GULP1: variants seen among roughly 807,000 people sequenced by gnomAD.
The protein encoded by GULP1 is GULP PTB domain containing engulfment adaptor 1.
GULP1 carries 19 observed loss-of-function variants against 40.9 expected under a neutral mutation model. The ratio of observed to expected loss-of-function variants is 0.46; its 90% confidence interval spans 0.32 to 0.68. GULP1 has a LOEUF of 0.68. Among genes scored for constraint, GULP1 ranks in the 30% least tolerant of loss-of-function variants. The pLI is 0.03. For synonymous variants in GULP1, 119 were observed against 117.6 expected, an observed-to-expected ratio of 1.01 and a Z score of -0.08; for missense variants, 312 against 362.2, an observed-to-expected ratio of 0.86 and a Z score of 1.12.
At chr2:188,443,022 G>A (rs763101084) in intron 2 of GULP1, among the ~76,000 whole-genome samples, 4 of 151,972 alleles carry the variant, frequency 2.6e-5, no homozygotes, top group African/African-American at 4.8e-5. Context: ...AGAAAACAGC[G>A]GCAACAACAA....
intron 1 of GULP1, among the ~76,000 whole-genome samples, chr2:188,330,615 T>C (rs1018097747): frequency 2.0e-5 from 3 of 152,212 alleles, no homozygotes; most frequent in African/African-American, 7.2e-5. Context: ...ATGTCTAACT[T>C]TTAGTATTTT....
intron 9 of GULP1, among the ~76,000 whole-genome samples, chr2:188,570,862 A>T (rs1042139602): frequency 1.3e-5 from 2 of 152,196 alleles, no homozygotes; most frequent in Non-Finnish European, 2.9e-5. Flanking sequence ...TCATTTAAAA[A>T]TATTTAATAT....
intron 1 of GULP1, among the ~76,000 whole-genome samples, chr2:188,317,044 C>A (rs1284829683): frequency 6.6e-6 from 1 of 152,108 alleles, no homozygotes; most frequent in Non-Finnish European, 1.5e-5. Context: ...CTGCACTTAA[C>A]CCTTCCTCTG....
At chr2:188,446,075 T>A (rs578153208) in intron 2 of GULP1, among the ~76,000 whole-genome samples, 2 of 152,314 alleles carry the variant, frequency 1.3e-5, no homozygotes, top group South Asian at 4.1e-4. Context: ...ATGACCCATA[T>A]TCATTTCCCT....
intron 4 of GULP1, among the ~76,000 whole-genome samples, chr2:188,512,435 T>A (rs540446165): frequency 7.9e-5 from 12 of 152,282 alleles, no homozygotes; most frequent in African/African-American, 2.4e-4. Flanking sequence ...GAATTTACTA[T>A]ACATAAAATG....
At chr2:188,503,267 C>A (rs1238299984) in intron 4 of GULP1, among the ~76,000 whole-genome samples, 1 of 151,754 alleles carries the variant, frequency 6.6e-6, no homozygotes, top group Admixed American at 6.6e-5. Flanking sequence ...CATTTTCACA[C>A]TGCTATAAAG....
intron 7 of GULP1, among the ~76,000 whole-genome samples, chr2:188,555,916 G>C (rs1694621877): frequency 2.6e-5 from 4 of 151,886 alleles, no homozygotes; most frequent in Admixed American, 2.0e-4. Flanking sequence ...AAATTAGCCA[G>C]GCATGGTGGC....
intron 6 of GULP1, among the ~76,000 whole-genome samples, chr2:188,540,059 T>G (rs1690044866): frequency 6.6e-6 from 1 of 152,100 alleles, no homozygotes; most frequent in African/African-American, 2.4e-5. Flanking sequence ...CTTCCTTAGA[T>G]GAAACTGTAG....
intron 2 of GULP1, among the ~76,000 whole-genome samples, chr2:188,384,507 T>C (rs1001142543): frequency 2.0e-5 from 3 of 152,092 alleles, no homozygotes; most frequent in Non-Finnish European, 2.9e-5. Flanking sequence ...CCAAACCTTA[T>C]CATTCCATCC....
intron 11 of GULP1, 52 bp downstream of exon 11, chr2:188,588,001 G>A (rs1202453499): frequency 1.1e-6 from 1 of 923,694 alleles, no homozygotes; most frequent in African/African-American, 1.6e-5. Context: ...TTTTGATATG[G>A]GACAAAGAGA....
intron 1 of GULP1, among the ~76,000 whole-genome samples, chr2:188,368,275 T>C (rs568131075): frequency 6.2e-4 from 95 of 152,236 alleles, no homozygotes; most frequent in South Asian, 3.9e-3. Context: ...ATGGAACCTA[T>C]GAATACATTT....
At position 188,589,491 on chromosome 2, in the gene GULP1, G is replaced by T. The variant is rs866398756; in HGVS notation, c.843+1542G>T. 7.6e-5 allele frequency: 23 copies of T among 300,940 alleles called. No homozygotes were observed. The highest frequency in any genetic ancestry group is 4.5e-4 in the South Asian group (3 of 6,610). 18.6% of individuals were successfully genotyped at this position (300,940 alleles called of 1,614,324 possible). On this transcript the variant is annotated intron_variant, in intron 11 of 11. Transcript: ENST00000409830. ...TATGTGGTAGTATTTATTCTCAAGG[G>T]TTGCACAGGTCATACAGAGTACTTC... is the stretch of plus-strand genomic sequence containing the variant.
At chr2:188,434,893 T>G (rs2057261698) in intron 2 of GULP1, among the ~76,000 whole-genome samples, 1 of 152,054 alleles carries the variant, frequency 6.6e-6, no homozygotes, top group Non-Finnish European at 1.5e-5. Context: ...CCTCCTTTTC[T>G]TTTATAATCT....
intron 2 of GULP1, among the ~76,000 whole-genome samples, chr2:188,429,177 G>A (rs992802922): frequency 6.6e-6 from 1 of 152,040 alleles, no homozygotes; most frequent in Non-Finnish European, 1.5e-5. Context: ...ACTTGAATTT[G>A]GTGTCAGATA....
intron 2 of GULP1, among the ~76,000 whole-genome samples, chr2:188,475,450 AT>A (rs965968284): frequency 2.6e-5 from 4 of 151,488 alleles, no homozygotes; most frequent in African/African-American, 7.3e-5. Context: ...TTTATATTTT[AT>A]TTTTTTAATT....
chr2:188,575,588 G>C (rs946949442), intron 9 of GULP1, among the ~76,000 whole-genome samples: 4 of 152,162 alleles, frequency 2.6e-5, no homozygotes, highest in Non-Finnish European at 5.9e-5. Context: ...CACTTGAATT[G>C]CAATCTGAAT....
At chr2:188,480,105 T>G (rs1381103771) in intron 3 of GULP1, among the ~76,000 whole-genome samples, 1 of 152,108 alleles carries the variant, frequency 6.6e-6, no homozygotes, top group East Asian at 1.9e-4. Context: ...AGAAAAAATT[T>G]TAAGAGCCCC....
At chr2:188,530,171 G>A (rs1301464868) in intron 6 of GULP1, among the ~76,000 whole-genome samples, 1 of 152,140 alleles carries the variant, frequency 6.6e-6, no homozygotes, top group East Asian at 1.9e-4. Flanking sequence ...GTTGCAGTTT[G>A]TTGTATAGGA....
intron 2 of GULP1, among the ~76,000 whole-genome samples, chr2:188,411,925 G>A (rs2053947086): frequency 1.3e-5 from 2 of 152,166 alleles, no homozygotes; most frequent in Admixed American, 6.5e-5. Flanking sequence ...TGTGTATTGT[G>A]CAGAACCATC....
Sources: allele counts gnomAD v4.1 joint callset (sites outside exome capture counted in the v4.1 genomes callset), GRCh38; gene constraint gnomAD v4.1.1; transcripts MANE v1.5; gene names NCBI Gene and HGNC (gene_info 2026-07-23, HGNC 2026-07-21).